The following SLC10A7 variants were observed in gnomAD, a reference collection of about 807,000 sequenced individuals.
The protein encoded by SLC10A7 is solute carrier family 10 member 7.
Under a neutral mutation model 43.2 loss-of-function variants are expected in SLC10A7, and 29 were observed. The observed-to-expected ratio is 0.67, with a 90% confidence interval of 0.50 to 0.92. The LOEUF (loss-of-function observed/expected upper bound fraction) is 0.92. Ranked by LOEUF, SLC10A7 falls within the 40% of genes least tolerant of loss-of-function variation. The pLI is 0.00. For missense variants in SLC10A7, 295 were observed against 403.2 expected (o/e 0.73, Z 2.30); for synonymous variants, 152 against 144.8 (o/e 1.05, Z -0.35).
chr4:146,304,697 G>A (rs1040700263), intron 7 of SLC10A7, among the ~76,000 whole-genome samples: 1 of 152,060 alleles, frequency 6.6e-6, no homozygotes, highest in Non-Finnish European at 1.5e-5. Flanking sequence ...GAATAGGTGT[G>A]GTGTGGTGCT....
intron 5 of SLC10A7, among the ~76,000 whole-genome samples, chr4:146,433,881 C>A (rs1299383720): frequency 6.6e-6 from 1 of 152,016 alleles, no homozygotes; most frequent in South Asian, 2.1e-4. Context: ...ATTGGTTCAA[C>A]ATTTCCAGGG....
In SLC10A7 at chr4:146,365,177, CA is replaced by C. The variant is rs374461620; in HGVS notation, c.436-39182del. 6.8e-3 allele frequency among the ~76,000 whole-genome samples: 1,030 copies of C among 152,150 alleles called. 15 individuals carry two copies. Among genetic ancestry groups the C allele is most frequent in the African/African-American group, 0.023 (971 of 41,522 alleles). ...TAAGTATAGAAAATACAGAGTTGTA[CA>C]AAAAAGTTATTGTTTATATTAATTA... On this transcript the variant is annotated intron_variant, in intron 5 of 11. Coordinates refer to ENST00000335472, the MANE Select transcript of SLC10A7 (RefSeq NM_001029998.6).
At chr4:146,343,905 C>T (rs997025019) in intron 5 of SLC10A7, among the ~76,000 whole-genome samples, 5 of 151,964 alleles carry the variant, frequency 3.3e-5, no homozygotes, top group Admixed American at 6.6e-5. Context: ...TTCAACAAAA[C>T]TCATCTAAAG....
At chr4:146,508,987 G>A (rs1301117343) in intron 3 of SLC10A7, among the ~76,000 whole-genome samples, 1 of 152,072 alleles carries the variant, frequency 6.6e-6, no homozygotes, top group Non-Finnish European at 1.5e-5. Flanking sequence ...TTACTGACTG[G>A]AAAACACAAC....
chr4:146,385,101 C>T (rs1406545520), intron 5 of SLC10A7, among the ~76,000 whole-genome samples: 1 of 152,026 alleles, frequency 6.6e-6, no homozygotes, highest in Non-Finnish European at 1.5e-5. Flanking sequence ...TTTTTCTCTT[C>T]CCCTCAAATA....
intron 3 of SLC10A7, among the ~76,000 whole-genome samples, chr4:146,505,961 G>A (rs1263220977): frequency 6.6e-6 from 1 of 152,122 alleles, no homozygotes; most frequent in Non-Finnish European, 1.5e-5. Flanking sequence ...AACTCACAAA[G>A]CCACCTATCT....
At chr4:146,392,410 T>TCTCTCTAG (rs1157860071) in intron 5 of SLC10A7, among the ~76,000 whole-genome samples, 22 of 152,334 alleles carry the variant, frequency 1.4e-4, no homozygotes, top group African/African-American at 5.3e-4. Flanking sequence ...ACCTTGGCTG[T>TCTCTCTAG]CTCTCTAGTG....
intron 5 of SLC10A7, among the ~76,000 whole-genome samples, chr4:146,440,783 A>G (rs1237671395): frequency 1.3e-5 from 2 of 152,146 alleles, no homozygotes; most frequent in African/African-American, 2.4e-5. Context: ...ATGTAAGAAA[A>G]AGCAAGGAAA....
chr4:146,290,874 C>CCAAACCAAAA (rs1730400146), intron 9 of SLC10A7, among the ~76,000 whole-genome samples: 1 of 152,010 alleles, frequency 6.6e-6, no homozygotes. Flanking sequence ...CCAAACCAAA[C>CCAAACCAAAA]CAAACCAAAA....
intron 10 of SLC10A7, among the ~76,000 whole-genome samples, chr4:146,278,966 G>A (rs1430783635): frequency 1.3e-5 from 2 of 152,138 alleles, no homozygotes; most frequent in Non-Finnish European, 1.5e-5. Context: ...CCATAATTAA[G>A]TACATATAAA....
At chr4:146,302,811 A>C (rs1731248184) in intron 7 of SLC10A7, among the ~76,000 whole-genome samples, 1 of 152,164 alleles carries the variant, frequency 6.6e-6, no homozygotes, top group Non-Finnish European at 1.5e-5. Context: ...TATTTAATTA[A>C]ATGCTATTCT....
At chr4:146,433,163 C>T (rs1729916684) in intron 5 of SLC10A7, among the ~76,000 whole-genome samples, 2 of 138,478 alleles carry the variant, frequency 1.4e-5, no homozygotes, top group South Asian at 2.3e-4. Flanking sequence ...TATTCTCTAG[C>T]TTTTTTTTTT....
At chr4:146,263,408 C>T (rs186616379) in intron 10 of SLC10A7, among the ~76,000 whole-genome samples, 9 of 152,194 alleles carry the variant, frequency 5.9e-5, no homozygotes, top group African/African-American at 7.2e-5. Context: ...AATGAATGAA[C>T]TTGTATTTTT....
intron 4 of SLC10A7, among the ~76,000 whole-genome samples, chr4:146,447,809 T>A (rs979098601): frequency 1.3e-5 from 2 of 152,120 alleles, no homozygotes; most frequent in African/African-American, 4.8e-5. Flanking sequence ...AATGTTCCAT[T>A]ATATATTATA....
intron 4 of SLC10A7, among the ~76,000 whole-genome samples, chr4:146,456,273 C>T (rs1732042619): frequency 1.3e-5 from 2 of 151,844 alleles, no homozygotes; most frequent in Non-Finnish European, 2.9e-5. Context: ...ATTGATACAC[C>T]TCTAAAACAG....
At chr4:146,306,881 G>A (rs1157730925) in intron 6 of SLC10A7, among the ~76,000 whole-genome samples, 1 of 152,092 alleles carries the variant, frequency 6.6e-6, no homozygotes, top group Non-Finnish European at 1.5e-5. Context: ...TCGATAATTG[G>A]CCCTTGGAAC....
intron 5 of SLC10A7, among the ~76,000 whole-genome samples, chr4:146,387,210 G>A (rs1460257458): frequency 2.0e-5 from 3 of 152,086 alleles, no homozygotes; most frequent in African/African-American, 7.2e-5. Flanking sequence ...ATAGATGCAA[G>A]AATCCTCAAC....
chr4:146,396,004 C>T (rs756572269), intron 5 of SLC10A7, among the ~76,000 whole-genome samples: 4 of 152,142 alleles, frequency 2.6e-5, no homozygotes, highest in Non-Finnish European at 5.9e-5. Context: ...TCATGGATTG[C>T]TCTCATTATA....
At chr4:146,446,772 CTATCTATCTATCTATCTATCTATT>C (rs1031689424) in intron 4 of SLC10A7, among the ~76,000 whole-genome samples, 5 of 151,740 alleles carry the variant, frequency 3.3e-5, no homozygotes, top group African/African-American at 1.2e-4. Flanking sequence ...ATCTATCTAT[CTATCTATCTATCTATCTATCTATT>C]TATCTATCTA....
Sources: allele counts gnomAD v4.1 joint callset (sites outside exome capture counted in the v4.1 genomes callset), GRCh38; gene constraint gnomAD v4.1.1; transcripts MANE v1.5; gene names NCBI Gene and HGNC (gene_info 2026-07-23, HGNC 2026-07-21).